RYR2: variants seen among roughly 807,000 people sequenced by gnomAD.
RYR2 encodes the protein ryanodine receptor 2.
Under a neutral mutation model 601.1 loss-of-function variants are expected in RYR2, and 227 were observed. That is an observed-to-expected ratio of 0.38 (90% CI 0.34 to 0.42). The LOEUF is 0.42. Among genes scored for constraint, RYR2 ranks in the 10% least tolerant of loss-of-function variants. The pLI is 1.00. For synonymous variants in RYR2, 2,223 were observed against 2,175.1 expected (o/e 1.02, Z -0.61); for missense variants, 4,646 against 6,156.5 (o/e 0.75, Z 8.21).
chr1:237,051,827 A>C (rs1661321056), intron 1 of RYR2, among the ~76,000 whole-genome samples: 1 of 152,172 alleles, frequency 6.6e-6, no homozygotes, highest in Non-Finnish European at 1.5e-5. Flanking sequence ...GGCTGGCTCT[A>C]GAACTCTCAC....
chr1:237,782,178 CTTTT>C (rs35521596), intron 89 of RYR2, among the ~76,000 whole-genome samples: 6 of 119,136 alleles, frequency 5.0e-5, no homozygotes, highest in African/African-American at 9.3e-5. Context: ...TTTGTTATTG[CTTTT>C]TTTTTTTTTT....
In RYR2 at chr1:237,614,353, A is replaced by G. The variant is rs751634430; in HGVS notation, c.5225A>G (p.Glu1742Gly). Residue 1742 changes from glutamate (E) to glycine (G), a missense_variant, in exon 37 of 105, where the codon GAG becomes GGG. Physicochemically the swap from Glu to Gly is moderately conservative, Grantham distance 98. Around this residue, in one of 17 missense-constraint regions of RYR2, gnomAD observed 1,807 missense variants for 2,088.1 expected, o/e 0.87. Transcript: ENST00000366574. This position sits in a 1 kb window ranked among gnomAD's most constrained non-coding sequence, Gnocchi z 4.3. ...ETKSITLFPD[E>G]NKKHGLPGIG... ...AAGAGCATCACCCTGTTCCCTGATG[A>G]GAACAAAAAACACGGCCTTCCAGGG... The G allele has an allele frequency of 1.2e-6, 2 of 1,614,044 alleles. No individual in the cohort carries two copies. The highest frequency in any genetic ancestry group is 1.7e-6 in the Non-Finnish European group (2 of 1,179,898).
chr1:237,101,386 G>A (rs1668090495), intron 1 of RYR2, among the ~76,000 whole-genome samples: 1 of 150,672 alleles, frequency 6.6e-6, no homozygotes, highest in Non-Finnish European at 1.5e-5. Context: ...CACTATTAAG[G>A]GGAGCAATCT....
At chr1:237,741,962 A>G (rs1691645602) in intron 79 of RYR2, among the ~76,000 whole-genome samples, 2 of 152,334 alleles carry the variant, frequency 1.3e-5, no homozygotes, top group South Asian at 4.1e-4. Context: ...GCAGCATAAA[A>G]AAAAGAGAAA....
intron 4 of RYR2, among the ~76,000 whole-genome samples, chr1:237,362,347 T>C (rs1699847942): frequency 6.6e-6 from 1 of 152,222 alleles, no homozygotes; most frequent in Non-Finnish European, 1.5e-5. Flanking sequence ...TTAGCTCTTG[T>C]CTATTGAACT....
intron 32 of RYR2, among the ~76,000 whole-genome samples, chr1:237,592,878 G>C (rs1675374918): frequency 6.6e-6 from 1 of 151,590 alleles, no homozygotes; most frequent in Admixed American, 6.6e-5. Flanking sequence ...AAAATTAACT[G>C]GGTGTCGTTG....
At chr1:237,410,270 C>T (rs1704308446) in intron 10 of RYR2, among the ~76,000 whole-genome samples, 1 of 152,088 alleles carries the variant, frequency 6.6e-6, no homozygotes, top group African/African-American at 2.4e-5. Flanking sequence ...AAGCCAAGTG[C>T]TCTGAAGCGC....
chr1:237,048,197 G>C (rs1660827374), intron 1 of RYR2, among the ~76,000 whole-genome samples: 1 of 152,198 alleles, frequency 6.6e-6, no homozygotes, highest in African/African-American at 2.4e-5. Flanking sequence ...CAGAAGACCT[G>C]AGTCTGAGGC....
At chr1:237,792,563 TAGAC>T (rs538331598) in intron 94 of RYR2, among the ~76,000 whole-genome samples, 205 of 152,198 alleles carry the variant, frequency 1.3e-3, no homozygotes, top group African/African-American at 4.6e-3. Flanking sequence ...TGGGCTACTG[TAGAC>T]AGACACAGCA....
At chr1:237,415,172 G>A (rs928947861) in intron 10 of RYR2, among the ~76,000 whole-genome samples, 1 of 152,196 alleles carries the variant, frequency 6.6e-6, no homozygotes. Flanking sequence ...ACTTTCCAAG[G>A]CTTGGCTTCC....
intron 34 of RYR2, among the ~76,000 whole-genome samples, chr1:237,597,527 AC>A (rs1014908870): frequency 1.3e-5 from 2 of 151,624 alleles, no homozygotes; most frequent in Non-Finnish European, 2.9e-5. Context: ...TGATCCGCTC[AC>A]CTCGGCCTCC....
At chr1:237,709,631 A>G in intron 70 of RYR2, 64 bp downstream of exon 70, 1 of 950,058 alleles carries the variant, frequency 1.1e-6, no homozygotes, top group Non-Finnish European at 1.6e-6. Context: ...CTTGCCTCCT[A>G]GGTTTCATGT....
Position 237,183,447 on chromosome 1 carries a change from T to A in RYR2, c.49-87050T>A, listed in dbSNP as rs566131810. Among the ~76,000 whole-genome samples, 82 of 152,172 alleles carry A rather than the reference T, an allele frequency of 5.4e-4. 1 individual carries two copies. The highest frequency in any genetic ancestry group is 2.4e-3 in the Admixed American group (37 of 15,272). ...CTATGGGTTTGCAAATTACAGATAG[T>A]CCTTTGGATTTACCAGTTAGGAGGT... is the stretch of plus-strand genomic sequence containing the variant. On this transcript the variant is annotated intron_variant, in intron 1 of 104. Transcript: ENST00000366574.
chr1:237,627,086 T>C (rs1573198301), intron 40 of RYR2, among the ~76,000 whole-genome samples: 1 of 152,340 alleles, frequency 6.6e-6, no homozygotes, highest in Non-Finnish European at 1.5e-5. Context: ...AGCATATTAA[T>C]ACTAGGATTA....
At chr1:237,602,204 G>T in intron 35 of RYR2, 93 bp downstream of exon 35, 1 of 818,446 alleles carries the variant, frequency 1.2e-6, no homozygotes, top group Non-Finnish European at 1.8e-6. Context: ...TATTAGTACT[G>T]ATATGAATCA....
chr1:237,805,631 T>C (rs1218138659), intron 98 of RYR2, among the ~76,000 whole-genome samples: 1 of 130,892 alleles, frequency 7.6e-6, no homozygotes, highest in Non-Finnish European at 1.6e-5. Flanking sequence ...ATGAAGTAAA[T>C]GGAGTAATTA....
At chr1:237,055,544 G>C (rs1393418304) in intron 1 of RYR2, among the ~76,000 whole-genome samples, 1 of 152,038 alleles carries the variant, frequency 6.6e-6, no homozygotes, top group Non-Finnish European at 1.5e-5. Flanking sequence ...GTGGAGAAAG[G>C]GTTTATGGGG....
chr1:237,803,337 A>ACT (rs2149425276), intron 98 of RYR2, among the ~76,000 whole-genome samples: 1 of 145,068 alleles, frequency 6.9e-6, no homozygotes, highest in South Asian at 2.2e-4. Context: ...AGAGTCTTGC[A>ACT]CTGTCACCCA....
intron 12 of RYR2, among the ~76,000 whole-genome samples, chr1:237,434,524 T>A (rs912062505): frequency 1.3e-5 from 2 of 152,224 alleles, no homozygotes; most frequent in Non-Finnish European, 2.9e-5. Context: ...AACCATTGTT[T>A]TCAAGTGTGT....
Sources: gnomAD v4.1 joint callset for allele counts (sites outside exome capture counted in the v4.1 genomes callset) on GRCh38, gnomAD v4.1.1 for gene constraint, gnomAD v4.1.1 regional missense constraint, Gnocchi (gnomAD v3.1) non-coding constraint, MANE v1.5 for transcripts, NCBI Gene and HGNC (gene_info 2026-07-23, HGNC 2026-07-21) for gene names.